Variants in PHTF2 observed in about 807,000 individuals in gnomAD.
PHTF2 encodes the protein protein PHTF2.
PHTF2 carries 60 observed loss-of-function variants against 101.2 expected under a neutral mutation model. The ratio of observed to expected loss-of-function variants is 0.59; its 90% confidence interval spans 0.48 to 0.73. The LOEUF (loss-of-function observed/expected upper bound fraction) is 0.73, where lower values mean the gene tolerates loss of function less well. Among genes scored for constraint, PHTF2 ranks in the 30% least tolerant of loss-of-function variants. The pLI is 0.00. For missense variants in PHTF2, 747 were observed against 908.7 expected (o/e 0.82, Z 2.29); for synonymous variants, 311 against 307.3 (o/e 1.01, Z -0.13).
At position 77,954,622 on chromosome 7, in the gene PHTF2, A is replaced by G. The variant is rs1436180853; in HGVS notation, c.2338-236A>G. Among the ~76,000 whole-genome samples, 256 of 138,358 alleles carry G rather than the reference A, an allele frequency of 1.9e-3. No individual in the cohort carries two copies. In the East Asian group the frequency reaches 0.029, roughly 16 times the overall value. 90.8% of individuals were successfully genotyped at this position (138,358 alleles called of 152,430 possible). ...TTAAACAAGTACTGTGTATATATAT[A>G]TATATATATATATATATATATATAG... On this transcript the variant is annotated intron_variant, in intron 19 of 19. Coordinates refer to ENST00000416283, the Ensembl canonical transcript of PHTF2.
At chr7:77,944,189 G>A (rs1805863941) in intron 16 of PHTF2, among the ~76,000 whole-genome samples, 1 of 151,986 alleles carries the variant, frequency 6.6e-6, no homozygotes, top group Non-Finnish European at 1.5e-5. Flanking sequence ...AGAGAGTGAA[G>A]TACATTGCCA....
At position 77,878,282 on chromosome 7, in the gene PHTF2, T is replaced by C. The variant is rs192243734; in HGVS notation, c.148-15326T>C. On this transcript the variant is annotated intron_variant, in intron 3 of 19. Coordinates refer to ENST00000416283, the Ensembl canonical transcript of PHTF2. Reference sequence around the variant, plus strand: ...ATTGGTTGGATCAGGGATGAAATCATAGGGTGTTAAAGCTGTCTTCTTGCA... The same window carrying C: ...ATTGGTTGGATCAGGGATGAAATCACAGGGTGTTAAAGCTGTCTTCTTGCA... Among the ~76,000 whole-genome samples, 5 of 152,082 alleles carry C rather than the reference T, an allele frequency of 3.3e-5. No homozygotes were observed. In the East Asian group the frequency reaches 9.7e-4, roughly 29 times the overall value.
intron 1 of PHTF2, among the ~76,000 whole-genome samples, chr7:77,830,510 G>A (rs554397761): frequency 6.6e-6 from 1 of 152,294 alleles, no homozygotes; most frequent in African/African-American, 2.4e-5. Flanking sequence ...TGTCAGATCA[G>A]CAGCGGCATT....
intron 1 of PHTF2, among the ~76,000 whole-genome samples, chr7:77,800,249 G>T (rs1413200161): frequency 2.0e-5 from 3 of 152,196 alleles, no homozygotes; most frequent in Non-Finnish European, 2.9e-5. Flanking sequence ...ATGGATATGC[G>T]TTATCAGTTG....
intron 9 of PHTF2, among the ~76,000 whole-genome samples, chr7:77,913,909 C>T (rs1802645761): frequency 6.6e-6 from 1 of 151,406 alleles, no homozygotes; most frequent in African/African-American, 2.4e-5. Flanking sequence ...AATTAAAATA[C>T]AAAAAAATTA....
intron 3 of PHTF2, among the ~76,000 whole-genome samples, chr7:77,875,833 A>G (rs146369094): frequency 1.3e-4 from 20 of 152,178 alleles, no homozygotes; most frequent in Non-Finnish European, 2.8e-4. Context: ...CTGGGATTAC[A>G]GGCGTGAGAA....
intron 15 of PHTF2, among the ~76,000 whole-genome samples, chr7:77,941,415 G>T (rs149831478): frequency 6.6e-6 from 1 of 152,046 alleles, no homozygotes; most frequent in Non-Finnish European, 1.5e-5. Flanking sequence ...GAATCTGATC[G>T]CTTGAATTCG....
At chr7:77,920,755 C>T (rs985065558) in intron 10 of PHTF2, among the ~76,000 whole-genome samples, 3 of 152,164 alleles carry the variant, frequency 2.0e-5, no homozygotes, top group African/African-American at 4.8e-5. Context: ...GATCTTGGCT[C>T]ACAGCATCCT....
At chr7:77,881,481 A>C (rs753038361) in intron 3 of PHTF2, among the ~76,000 whole-genome samples, 3 of 151,464 alleles carry the variant, frequency 2.0e-5, no homozygotes, top group Non-Finnish European at 4.4e-5. Context: ...ATCTCTAGCC[A>C]TAATTCTTGG....
chr7:77,903,948 C>T (rs985815768), intron 7 of PHTF2, among the ~76,000 whole-genome samples: 4 of 152,144 alleles, frequency 2.6e-5, no homozygotes, highest in Admixed American at 2.0e-4. Flanking sequence ...ATTTCAATTA[C>T]ATGCTTTTTA....
intron 12 of PHTF2, among the ~76,000 whole-genome samples, chr7:77,937,140 G>C (rs1013405521): frequency 3.3e-5 from 5 of 151,892 alleles, no homozygotes; most frequent in African/African-American, 7.3e-5. Flanking sequence ...TATCAGAAAA[G>C]TAACTAAATC....
intron 1 of PHTF2, among the ~76,000 whole-genome samples, chr7:77,832,599 C>T (rs1795155972): frequency 6.6e-6 from 1 of 152,160 alleles, no homozygotes; most frequent in African/African-American, 2.4e-5. Flanking sequence ...GTTTCCATTT[C>T]TAACATCGTA....
chr7:77,806,264 G>A (rs1004330158), intron 1 of PHTF2, among the ~76,000 whole-genome samples: 3 of 151,906 alleles, frequency 2.0e-5, no homozygotes, highest in Non-Finnish European at 4.4e-5. Context: ...TGAAAAAATG[G>A]TATTGAATCT....
At position 77,910,194 on chromosome 7, in the gene PHTF2, G is replaced by A. The variant is rs1342923022; in HGVS notation, c.612-51G>A. 5 of 1,495,948 alleles carry A rather than the reference G, an allele frequency of 3.3e-6. No homozygotes were observed. The East Asian group carries it at 1.1e-4, about 34-fold the overall frequency. The allele number at this position is 1,495,948 out of a possible 1,614,324, so 92.7% of individuals were successfully genotyped here. On this transcript the variant is annotated intron_variant, in intron 8 of 19. Coordinates refer to ENST00000416283, the Ensembl canonical transcript of PHTF2. ...ATTTTGATTGTACTACTGAGAAAGT[G>A]GTTATTAAAATATTAAAGCTGCCTT...
intron 1 of PHTF2, among the ~76,000 whole-genome samples, chr7:77,834,279 C>T (rs1002537224): frequency 6.9e-6 from 1 of 144,550 alleles, no homozygotes; most frequent in African/African-American, 2.6e-5. Flanking sequence ...TGCCACTGCA[C>T]TCCAGCCCGG....
At chr7:77,901,887 T>A (rs1251265669) in exon 7 of PHTF2, 1 of 1,597,542 alleles carries the variant, frequency 6.3e-7, no homozygotes, top group Non-Finnish European at 8.5e-7. Context: ...AAAGGTCATC[T>A]TTTTCTGGCT....
chr7:77,864,617 A>ATT (rs370777611), intron 3 of PHTF2, among the ~76,000 whole-genome samples: 2 of 146,078 alleles, frequency 1.4e-5, no homozygotes, highest in Admixed American at 6.9e-5. Flanking sequence ...TATGCTTTTA[A>ATT]TTTTTTTTTT....
At chr7:77,900,880 C>T in intron 6 of PHTF2, 100 bp downstream of exon 5, 1 of 676,362 alleles carries the variant, frequency 1.5e-6, no homozygotes, top group Non-Finnish European at 2.6e-6. Context: ...TTTTGCATTG[C>T]TATAAAGAAA....
chr7:77,894,217 A>T (rs1800695296), intron 5 of PHTF2, among the ~76,000 whole-genome samples: 1 of 152,222 alleles, frequency 6.6e-6, no homozygotes, highest in African/African-American at 2.4e-5. Context: ...TCTTATGCTG[A>T]TAAAATATTC....
Sources: gnomAD v4.1 joint callset for allele counts (sites outside exome capture counted in the v4.1 genomes callset) on GRCh38, gnomAD v4.1.1 for gene constraint, MANE v1.5 for transcripts, NCBI Gene and HGNC (gene_info 2026-07-23, HGNC 2026-07-21) for gene names.